The following LIN28B variants were observed in gnomAD, a reference collection of about 807,000 sequenced individuals.
The protein encoded by LIN28B is lin-28 RNA binding posttranscriptional regulator B, also known as protein lin-28 homolog B.
In LIN28B, 5 loss-of-function variants were observed where a neutral mutation model predicts 21.9. The ratio of observed to expected loss-of-function variants is 0.23; its 90% confidence interval spans 0.12 to 0.48. The LOEUF is 0.48. Ranked by LOEUF, LIN28B falls within the 20% of genes least tolerant of loss-of-function variation. LIN28B has a pLI of 0.98. For synonymous variants in LIN28B, 109 were observed against 111.3 expected, an observed-to-expected ratio of 0.98 and a Z score of 0.13; for missense variants, 245 against 310.5, an observed-to-expected ratio of 0.79 and a Z score of 1.58.
Position 105,080,245 on chromosome 6 carries a change from TG to T in LIN28B, c.*1465del, listed in dbSNP as rs1772517840. 6.6e-6 allele frequency: 1 copy of T among 152,598 alleles called. No homozygotes were observed. The highest frequency in any genetic ancestry group is 1.5e-5 in the Non-Finnish European group (1 of 68,036). The allele number at this position is 152,598 out of a possible 1,614,324, so 9.5% of individuals were successfully genotyped here. ...GGGGTCATCCTGGCTCTAGATGTTA[TG>T]GGCAAATTTCTGAAACATCTGCAAG... On this transcript the variant is annotated 3_prime_UTR_variant, in exon 4 of 4. Coordinates refer to ENST00000345080, the MANE Select transcript of LIN28B (RefSeq NM_001004317.4).
At chr6:105,049,247 A>G (rs1157763371) in intron 3 of LIN28B, among the ~76,000 whole-genome samples, 1 of 152,066 alleles carries the variant, frequency 6.6e-6, no homozygotes, top group African/African-American at 2.4e-5. Context: ...TTCTGCCTTC[A>G]TTTCATTATG....
chr6:104,976,683 A>G (rs1246647283), intron 2 of LIN28B, among the ~76,000 whole-genome samples: 1 of 152,200 alleles, frequency 6.6e-6, no homozygotes, highest in African/African-American at 2.4e-5. Context: ...GGAAATACCT[A>G]GGAAATTGTC....
At chr6:104,967,967 G>A (rs1449450642) in intron 2 of LIN28B, among the ~76,000 whole-genome samples, 1 of 152,120 alleles carries the variant, frequency 6.6e-6, no homozygotes, top group Non-Finnish European at 1.5e-5. Flanking sequence ...CTTAAGTGCT[G>A]GGATTACAGA....
chr6:105,051,494 C>G (rs542417719), intron 3 of LIN28B, among the ~76,000 whole-genome samples: 14 of 150,918 alleles, frequency 9.3e-5, no homozygotes, highest in African/African-American at 3.1e-4. Context: ...AATTGAATTG[C>G]TGAGGAATGT....
chr6:105,026,270 C>T, intron 2 of LIN28B, 28 bp from the exon 3 acceptor site: 3 of 1,322,914 alleles, frequency 2.3e-6, no homozygotes, highest in Non-Finnish European at 3.1e-6. Flanking sequence ...CTCTCTTTTT[C>T]TCCCCCACCC....
chr6:105,006,889 T>C (rs1009512725), intron 2 of LIN28B, among the ~76,000 whole-genome samples: 5 of 152,236 alleles, frequency 3.3e-5, no homozygotes, highest in African/African-American at 9.6e-5. Flanking sequence ...AAGTAAATTA[T>C]ATGGCCATGC....
rs1466128408 is a variant in LIN28B at position 105,003,052 on chromosome 6, G to T, written c.199-23246G>T. 7.2e-5 allele frequency among the ~76,000 whole-genome samples: 11 copies of T among 152,242 alleles called. 1 individual carries two copies. The East Asian group carries it at 2.1e-3, about 29-fold the overall frequency. ...TAATTTCTTCATCTCTAAATTGTAG[G>T]TTTAAATGAAATAATTTTTAAAGTC... On this transcript the variant is annotated intron_variant, in intron 2 of 3. Coordinates refer to ENST00000345080, the MANE Select transcript of LIN28B (RefSeq NM_001004317.4).
intron 2 of LIN28B, among the ~76,000 whole-genome samples, chr6:104,966,907 C>T (rs1219029019): frequency 2.0e-5 from 3 of 152,046 alleles, no homozygotes; most frequent in Non-Finnish European, 4.4e-5. Context: ...AGGCGTGAGC[C>T]ACCGCGCCCA....
At chr6:104,960,619 T>C (rs1414570156) in intron 2 of LIN28B, among the ~76,000 whole-genome samples, 2 of 152,234 alleles carry the variant, frequency 1.3e-5, no homozygotes, top group African/African-American at 4.8e-5. Flanking sequence ...GATTTTTTTT[T>C]TGAAGTATTC....
At chr6:105,000,989 A>G (rs1292097005) in intron 2 of LIN28B, among the ~76,000 whole-genome samples, 2 of 151,784 alleles carry the variant, frequency 1.3e-5, no homozygotes, top group Non-Finnish European at 2.9e-5. Context: ...AAACATATAT[A>G]TATTGACATT....
chr6:105,027,907 A>C (rs1455475775), intron 3 of LIN28B, among the ~76,000 whole-genome samples: 1 of 152,122 alleles, frequency 6.6e-6, no homozygotes, highest in Non-Finnish European at 1.5e-5. Flanking sequence ...TTGGTTTGAA[A>C]AGCTATCCAG....
At chr6:104,986,683 T>C (rs1190789444) in intron 2 of LIN28B, among the ~76,000 whole-genome samples, 1 of 152,150 alleles carries the variant, frequency 6.6e-6, no homozygotes, top group Non-Finnish European at 1.5e-5. Flanking sequence ...CATACCCAAC[T>C]AAAATAGAGT....
At chr6:104,974,340 T>TTAGCTGGG (rs1261528135) in intron 2 of LIN28B, among the ~76,000 whole-genome samples, 1 of 151,770 alleles carries the variant, frequency 6.6e-6, no homozygotes, top group Non-Finnish European at 1.5e-5. Context: ...AATACAAAAA[T>TTAGCTGGG]TAGCTGGGTG....
At chr6:105,014,384 A>G (rs916259605) in intron 2 of LIN28B, among the ~76,000 whole-genome samples, 2 of 152,226 alleles carry the variant, frequency 1.3e-5, no homozygotes, top group Non-Finnish European at 2.9e-5. Flanking sequence ...CAGTGGCGCA[A>G]TCTTGGCTCA....
rs575582025 is a variant in LIN28B, at chr6:105,011,447, C to T, written c.199-14851C>T. On this transcript the variant is annotated intron_variant, in intron 2 of 3. Coordinates refer to ENST00000345080, the MANE Select transcript of LIN28B (RefSeq NM_001004317.4). The stretch of plus-strand genomic sequence containing the variant: ...CCAAGTGATCTGCCTACCTCAGCTT[C>T]CCAAAGTGCTAGGAGTATAGGCGTG... Among the ~76,000 whole-genome samples, 8 of 152,310 alleles carry T rather than the reference C, an allele frequency of 5.3e-5. No homozygotes were observed. In the South Asian group the frequency reaches 1.4e-3, roughly 28 times the overall value.
chr6:104,991,306 G>A (rs538969738), intron 2 of LIN28B, among the ~76,000 whole-genome samples: 13 of 151,544 alleles, frequency 8.6e-5, no homozygotes, highest in African/African-American at 2.7e-4. Flanking sequence ...CGGGGCGGCT[G>A]CCGCGCGGAG....
chr6:104,953,564 C>G (rs187985152), upstream of LIN28B, among the ~76,000 whole-genome samples: 238 of 152,282 alleles, frequency 1.6e-3, 2 homozygotes, highest in African/African-American at 5.6e-3. Context: ...AGTGAGAAAT[C>G]ACCAGCCTTT....
At chr6:105,050,575 G>C in intron 3 of LIN28B, among the ~76,000 whole-genome samples, 1 of 120,320 alleles carries the variant, frequency 8.3e-6, no homozygotes, top group Non-Finnish European at 1.6e-5. Context: ...GCAGTCCGCA[G>C]TCCAGCCTGG....
At chr6:105,015,776 C>T (rs1305879580) in intron 2 of LIN28B, among the ~76,000 whole-genome samples, 1 of 152,068 alleles carries the variant, frequency 6.6e-6, no homozygotes, top group Non-Finnish European at 1.5e-5. Flanking sequence ...AGAGGCAATA[C>T]CATGCCAGAT....
Sources: gnomAD v4.1 joint callset for allele counts (sites outside exome capture counted in the v4.1 genomes callset) on GRCh38, gnomAD v4.1.1 for gene constraint, MANE v1.5 for transcripts, NCBI Gene and HGNC (gene_info 2026-07-23, HGNC 2026-07-21) for gene names.